Variants in DEUP1 observed in about 807,000 individuals in gnomAD.
DEUP1 encodes the protein deuterosome assembly protein 1.
In DEUP1, 82 loss-of-function variants were observed where a neutral mutation model predicts 87.4. The observed-to-expected ratio is 0.94, with a 90% CI of 0.78 to 1.13. The LOEUF (loss-of-function observed/expected upper bound fraction) is 1.13, where lower values mean the gene tolerates loss of function less well. DEUP1 is among the 50% of genes most tolerant of loss of function. The pLI is 0.00. For synonymous variants in DEUP1, 214 were observed against 222.7 expected, an observed-to-expected ratio of 0.96 and a Z score of 0.35; for missense variants, 663 against 681.5, an observed-to-expected ratio of 0.97 and a Z score of 0.30.
intron 13 of DEUP1, among the ~76,000 whole-genome samples, chr11:93,416,139 A>C (rs1947617419): frequency 6.6e-6 from 1 of 152,224 alleles, no homozygotes; most frequent in South Asian, 2.1e-4. Context: ...GCTCAGAGCA[A>C]ACACTTGCAA....
At chr11:93,345,233 C>G (rs1565294340) in intron 2 of DEUP1, among the ~76,000 whole-genome samples, 1 of 152,114 alleles carries the variant, frequency 6.6e-6, no homozygotes, top group African/African-American at 2.4e-5. Context: ...ATATATGAAC[C>G]ACATTTTCTT....
At chr11:93,330,055 G>C (rs1401137835), upstream of DEUP1, 1 of 152,210 alleles carries the variant, frequency 6.6e-6, no homozygotes, top group Non-Finnish European at 1.5e-5. Flanking sequence ...CTGACTGGCA[G>C]TGTTTTAAGG....
Position 93,437,854 on chromosome 11 carries a change from C to A in DEUP1, c.*135C>A. The stretch of plus-strand genomic sequence containing the variant: ...CCTTGAGTAAATAATTTCCGTAAGG[C>A]AGCTAGAAAATAGTAAGTATTTTGT... On this transcript the variant is annotated 3_prime_UTR_variant, in exon 14 of 14. Transcript: ENST00000298050. The A allele has an allele frequency of 1.6e-6, 1 of 615,652 alleles. No homozygotes were observed. Among genetic ancestry groups the A allele is most frequent in the Non-Finnish European group, 2.9e-6 (1 of 345,200 alleles). The allele number at this position is 615,652 out of a possible 1,614,324, so 38.1% of individuals were successfully genotyped here.
At chr11:93,396,585 GCTTTT>G (rs1336144946) in intron 11 of DEUP1, among the ~76,000 whole-genome samples, 1 of 152,124 alleles carries the variant, frequency 6.6e-6, no homozygotes, top group Non-Finnish European at 1.5e-5. Flanking sequence ...CTATTTCCTT[GCTTTT>G]CTTCTTGCTG....
At chr11:93,383,565 A>G (rs1946400665) in intron 7 of DEUP1, 1 of 660,646 alleles carries the variant, frequency 1.5e-6, no homozygotes, top group Non-Finnish European at 2.8e-6. Context: ...CTTTGTGACT[A>G]AATTGAAAAC....
intron 13 of DEUP1, among the ~76,000 whole-genome samples, chr11:93,418,193 A>G (rs1327965133): frequency 6.6e-6 from 1 of 152,060 alleles, no homozygotes; most frequent in African/African-American, 2.4e-5. Context: ...GATCTAATTA[A>G]ACTAAAGAGC....
intron 2 of DEUP1, among the ~76,000 whole-genome samples, chr11:93,346,929 T>G (rs555069399): frequency 2.6e-5 from 4 of 152,312 alleles, no homozygotes; most frequent in South Asian, 2.1e-4. Context: ...TTTACCAGCT[T>G]AAGGAGTTTT....
chr11:93,375,847 G>A (rs906435148), intron 7 of DEUP1, among the ~76,000 whole-genome samples: 2 of 152,186 alleles, frequency 1.3e-5, no homozygotes, highest in African/African-American at 4.8e-5. Context: ...TTAGAATAGT[G>A]TCAGTAAAAT....
intron 13 of DEUP1, among the ~76,000 whole-genome samples, chr11:93,417,969 G>A (rs1591259658): frequency 6.6e-6 from 1 of 150,980 alleles, no homozygotes; most frequent in South Asian, 2.1e-4. Context: ...GGGAAAACTG[G>A]CTAGCCATAT....
chr11:93,390,709 A>C (rs990527932), intron 9 of DEUP1, among the ~76,000 whole-genome samples: 5 of 152,196 alleles, frequency 3.3e-5, no homozygotes, highest in Non-Finnish European at 5.9e-5. Context: ...TATGAGGCAC[A>C]GAATTCTTTA....
chr11:93,431,108 AAAAAAAAG>A (rs1357236155), intron 13 of DEUP1, among the ~76,000 whole-genome samples: 1 of 151,752 alleles, frequency 6.6e-6, no homozygotes, highest in Admixed American at 6.6e-5. Context: ...AAAAAAAAAA[AAAAAAAAG>A]AAAGAAAGAA....
At chr11:93,415,433 G>A (rs548643564) in intron 13 of DEUP1, among the ~76,000 whole-genome samples, 12 of 152,128 alleles carry the variant, frequency 7.9e-5, no homozygotes, top group African/African-American at 4.8e-5. Flanking sequence ...TCAAGGATCC[G>A]TATATTTTAA....
chr11:93,413,310 C>T (rs1947500555), intron 12 of DEUP1, among the ~76,000 whole-genome samples: 1 of 150,112 alleles, frequency 6.7e-6, no homozygotes, highest in African/African-American at 2.5e-5. Context: ...GGCGCAATCT[C>T]GGCTCACTGC....
intron 4 of DEUP1, among the ~76,000 whole-genome samples, chr11:93,359,346 G>C (rs1209183336): frequency 6.6e-6 from 1 of 151,734 alleles, no homozygotes; most frequent in Non-Finnish European, 1.5e-5. Flanking sequence ...TTTTAAAAAG[G>C]AGTTATTTTT....
At chr11:93,331,829 G>A (rs138027666) in intron 1 of DEUP1, among the ~76,000 whole-genome samples, 101 of 152,264 alleles carry the variant, frequency 6.6e-4, no homozygotes, top group Non-Finnish European at 1.3e-3. Context: ...GGTGGATCAC[G>A]AGGTCAGGAG....
chr11:93,354,849 C>A (rs188758877), intron 2 of DEUP1, among the ~76,000 whole-genome samples: 47 of 152,258 alleles, frequency 3.1e-4, no homozygotes, highest in Non-Finnish European at 5.1e-4. Flanking sequence ...GGGACACAGC[C>A]AAACTATATC....
intron 2 of DEUP1, among the ~76,000 whole-genome samples, chr11:93,347,227 A>C (rs181943170): frequency 1.5e-3 from 222 of 152,310 alleles, no homozygotes; most frequent in African/African-American, 5.1e-3. Context: ...AGTTTTTAAC[A>C]TGATGCTGAA....
intron 11 of DEUP1, among the ~76,000 whole-genome samples, chr11:93,405,400 T>C (rs1044801296): frequency 6.6e-6 from 1 of 152,022 alleles, no homozygotes. Context: ...TGAGAAATCC[T>C]AAAGGCAGAG....
At chr11:93,400,804 A>G (rs755994442) in intron 11 of DEUP1, among the ~76,000 whole-genome samples, 23 of 152,186 alleles carry the variant, frequency 1.5e-4, no homozygotes, top group Admixed American at 2.6e-4. Flanking sequence ...AAATATGCAG[A>G]TAAAGGCTAT....
Sources: allele counts gnomAD v4.1 joint callset (sites outside exome capture counted in the v4.1 genomes callset), GRCh38; gene constraint gnomAD v4.1.1; transcripts MANE v1.5; gene names NCBI Gene and HGNC (gene_info 2026-07-23, HGNC 2026-07-21).